Variants in SLC25A33 observed in about 807,000 individuals in gnomAD.
SLC25A33 encodes the protein solute carrier family 25 member 33, also known as bone marrow stromal cell mitochondrial carrier protein.
In SLC25A33, 15 loss-of-function variants were observed where a neutral mutation model predicts 35.5. The ratio of observed to expected loss-of-function variants is 0.42; its 90% CI spans 0.28 to 0.65. The LOEUF (loss-of-function observed/expected upper bound fraction) is 0.65, where lower values mean the gene tolerates loss of function less well. Ranked by LOEUF, SLC25A33 falls within the 30% of genes least tolerant of loss-of-function variation. SLC25A33 has a pLI of 0.20. For missense variants in SLC25A33, 257 were observed against 398.5 expected, an observed-to-expected ratio of 0.64 and a Z score of 3.02; for synonymous variants, 136 against 148.7, an observed-to-expected ratio of 0.91 and a Z score of 0.62.
At chr1:9,545,559 G>A (rs1297929882) in intron 1 of SLC25A33, among the ~76,000 whole-genome samples, 148 of 151,852 alleles carry the variant, frequency 9.7e-4, no homozygotes, top group African/African-American at 3.5e-3. Context: ...CACCACGCCT[G>A]GCTAATTTTT....
intron 1 of SLC25A33, among the ~76,000 whole-genome samples, chr1:9,548,029 C>G (rs1222492397): frequency 2.0e-5 from 3 of 151,926 alleles, no homozygotes; most frequent in Non-Finnish European, 4.4e-5. Context: ...TGCGCACCAC[C>G]ACGCCTGGCT....
intron 2 of SLC25A33, among the ~76,000 whole-genome samples, chr1:9,555,326 G>A (rs1643326516): frequency 6.6e-6 from 1 of 151,844 alleles, no homozygotes; most frequent in Admixed American, 6.6e-5. Context: ...CACCATGTTA[G>A]CCAGGATGGT....
At chr1:9,539,841 G>T in intron 1 of SLC25A33, 94 bp downstream of exon 1, 1 of 1,145,578 alleles carries the variant, frequency 8.7e-7, no homozygotes, top group Non-Finnish European at 1.1e-6. Flanking sequence ...GGCGGTTACC[G>T]GCCTTCCCCG....
At chr1:9,577,494 G>A (rs980456278) in intron 5 of SLC25A33, among the ~76,000 whole-genome samples, 1 of 151,968 alleles carries the variant, frequency 6.6e-6, no homozygotes, top group African/African-American at 2.4e-5. Context: ...AATGAAAAAA[G>A]GAAAAAAGAA....
At chr1:9,546,476 A>T (rs1032677250) in intron 1 of SLC25A33, among the ~76,000 whole-genome samples, 2 of 151,920 alleles carry the variant, frequency 1.3e-5, no homozygotes, top group Non-Finnish European at 2.9e-5. Context: ...GAGCCACCGC[A>T]CCCGGCCCCA....
Position 9,580,122 on chromosome 1 carries a change from T to C in SLC25A33, c.651T>C (p.Ala217=). The C allele has an allele frequency of 5.0e-6, 8 of 1,610,760 alleles. No homozygotes were observed. Among genetic ancestry groups the C allele is most frequent in the Non-Finnish European group, 5.9e-6 (7 of 1,177,574 alleles). The change falls in exon 6 of 7, where the codon GCT becomes GCC. Residue 217 remains alanine, a synonymous_variant. Coordinates refer to ENST00000302692, the MANE Select transcript of SLC25A33 (RefSeq NM_032315.3). The stretch of plus-strand genomic sequence containing the variant: ...GTTTAAAGAAGTATCTGAAAGAAGC[T>C]CCATTAGCCTCTTCTGCAAATGGGA... ...YESLKKYLKE[A]PLASSANGTE... is the part of the protein sequence containing the mutation.
chr1:9,570,253 A>G lies in SLC25A33; in HGVS notation c.315-5A>G, dbSNP rs575298015. The G allele has an allele frequency of 7.4e-6, 12 of 1,612,126 alleles. No individual in the cohort carries two copies. Among genetic ancestry groups the G allele is most frequent in the South Asian group, 1.1e-5 (1 of 90,846 alleles). ...TTCTTTATAATGTTCTCTTTGTTCT[A>G]ACAGGGCTGTATACTTTGCATGTTA... On this transcript the variant is annotated splice_region_variant and splice_polypyrimidine_tract_variant and intron_variant, in intron 3 of 6. Transcript: ENST00000302692.
At position 9,582,245 on chromosome 1, in the gene SLC25A33, G is replaced by A. The variant is rs1219650354; in HGVS notation, c.764-54G>A. On this transcript the variant is annotated intron_variant, in intron 6 of 6. Transcript: ENST00000302692. The surrounding 1 kb of genome is among the most constrained non-coding windows in gnomAD (Gnocchi z 4.0). ...TGACAGTTTTAAAGTTGTGTGCTGT[G>A]GATTCGTTCCCCATTTAATATGTGG... 7 of 1,584,320 alleles carry A rather than the reference G, an allele frequency of 4.4e-6. No individual in the cohort carries two copies. The highest frequency in any genetic ancestry group is 6.1e-6 in the Non-Finnish European group (7 of 1,153,462).
intron 5 of SLC25A33, among the ~76,000 whole-genome samples, chr1:9,577,214 T>G (rs1643672782): frequency 6.6e-6 from 1 of 152,022 alleles, no homozygotes; most frequent in Admixed American, 6.6e-5. Flanking sequence ...TCCCAGTACT[T>G]TGGGAGGCCG....
chr1:9,575,441 C>G (rs2100409750), intron 5 of SLC25A33, among the ~76,000 whole-genome samples: 1 of 151,586 alleles, frequency 6.6e-6, no homozygotes, highest in Non-Finnish European at 1.5e-5. Context: ...ATGGTGAAAC[C>G]CCGTCTCTAC....
chr1:9,573,262 C>G (rs1412686877), intron 4 of SLC25A33, 84 bp from the exon 5 acceptor site: 2 of 983,448 alleles, frequency 2.0e-6, no homozygotes, highest in East Asian at 2.6e-5. Context: ...ATCCCTATTT[C>G]AAAGTTTATT....
At position 9,545,316 on chromosome 1, in the gene SLC25A33, A is replaced by G. The variant is rs923131991; in HGVS notation, c.56+5569A>G. ...CTGCAACTTCTGCCTCCCGGCTTCAAGTGATTCTAGGGGAGCGTATTTTTA... is the reference window on the plus strand; with the variant it reads ...CTGCAACTTCTGCCTCCCGGCTTCAGGTGATTCTAGGGGAGCGTATTTTTA... On this transcript the variant is annotated intron_variant, in intron 1 of 6. Coordinates refer to ENST00000302692, the MANE Select transcript of SLC25A33 (RefSeq NM_032315.3). 4.6e-5 allele frequency among the ~76,000 whole-genome samples: 7 copies of G among 151,996 alleles called. No homozygotes were observed. The East Asian group carries it at 5.8e-4, about 13-fold the overall frequency.
At chr1:9,559,182 T>G (rs992991099) in intron 2 of SLC25A33, among the ~76,000 whole-genome samples, 1 of 152,178 alleles carries the variant, frequency 6.6e-6, no homozygotes, top group Non-Finnish European at 1.5e-5. Context: ...TGCTTTATAT[T>G]TTTATCCGTA....
At chr1:9,566,321 A>G (rs1168016558) in intron 2 of SLC25A33, among the ~76,000 whole-genome samples, 1 of 152,182 alleles carries the variant, frequency 6.6e-6, no homozygotes, top group African/African-American at 2.4e-5. Context: ...GATTACAGGT[A>G]TGAGCACTGA....
chr1:9,579,574 G>C (rs1003067201), intron 5 of SLC25A33, among the ~76,000 whole-genome samples: 1 of 152,182 alleles, frequency 6.6e-6, no homozygotes, highest in Non-Finnish European at 1.5e-5. Context: ...CTCCCCGGGG[G>C]CCACCCTCCA....
At chr1:9,579,915 A>G (rs200622973) in intron 5 of SLC25A33, 39 bp from the exon 6 acceptor site, 1 of 1,585,688 alleles carries the variant, frequency 6.3e-7, no homozygotes. Flanking sequence ...CCACCATGAT[A>G]TGTCTCCTTA....
chr1:9,571,851 A>G (rs1283015581), intron 4 of SLC25A33, among the ~76,000 whole-genome samples: 2 of 152,054 alleles, frequency 1.3e-5, no homozygotes, highest in Non-Finnish European at 2.9e-5. Flanking sequence ...ATGTTGCCCA[A>G]GCTCGTCTCG....
chr1:9,558,644 C>G (rs1229385348), intron 2 of SLC25A33, among the ~76,000 whole-genome samples: 1 of 152,162 alleles, frequency 6.6e-6, no homozygotes, highest in Non-Finnish European at 1.5e-5. Context: ...CATAGTCATC[C>G]TTGGATCTTA....
At chr1:9,550,534 C>T (rs866820835) in intron 1 of SLC25A33, among the ~76,000 whole-genome samples, 19 of 152,056 alleles carry the variant, frequency 1.2e-4, no homozygotes, top group African/African-American at 4.6e-4. Context: ...TATTTTACTA[C>T]GTAGCTGGTA....
Sources: allele counts gnomAD v4.1 joint callset (sites outside exome capture counted in the v4.1 genomes callset), GRCh38; gene constraint gnomAD v4.1.1; non-coding constraint Gnocchi (gnomAD v3.1); transcripts MANE v1.5; gene names NCBI Gene and HGNC (gene_info 2026-07-23, HGNC 2026-07-21).